DRC11: variants seen among roughly 807,000 people sequenced by gnomAD.
DRC11 encodes IQ and AAA domain-containing protein 1.
the DRC11 span, among the ~76,000 whole-genome samples, chr2:236,389,137 G>C: frequency 1.3e-5 from 2 of 152,240 alleles, no homozygotes; most frequent in African/African-American, 4.8e-5. Context: ...CCCGCCCCCA[G>C]AGGTGGAGCC....
At chr2:236,459,546 C>CGTATACGT in the DRC11 span, among the ~76,000 whole-genome samples, 1 of 118,154 alleles carries the variant, frequency 8.5e-6, no homozygotes, top group African/African-American at 3.5e-5. Context: ...TATACGTATA[C>CGTATACGT]GTATACATGT....
chr2:236,338,524 C>A, the DRC11 span: 1 of 756,654 alleles, frequency 1.3e-6, no homozygotes, highest in Non-Finnish European at 2.1e-6. Context: ...AAGGTTTGTC[C>A]TGGGATGGGT....
At chr2:236,505,002 A>G in the DRC11 span, among the ~76,000 whole-genome samples, 1 of 152,266 alleles carries the variant, frequency 6.6e-6, no homozygotes, top group Non-Finnish European at 1.5e-5. Flanking sequence ...AGACTAATAC[A>G]GATGGAACAA....
At chr2:236,465,484 C>T in the DRC11 span, 2 of 1,604,162 alleles carry the variant, frequency 1.2e-6, no homozygotes, top group African/African-American at 2.7e-5. The surrounding 1 kb of genome is among the most constrained non-coding windows in gnomAD (Gnocchi z 6.2). Flanking sequence ...CTGGATATGT[C>T]ACGATGTAGC....
At chr2:236,414,015 G>GTGC in the DRC11 span, among the ~76,000 whole-genome samples, 1 of 152,224 alleles carries the variant, frequency 6.6e-6, no homozygotes, top group Non-Finnish European at 1.5e-5. Context: ...TTCTGTTAAA[G>GTGC]TGCTTTCCAC....
the DRC11 span, among the ~76,000 whole-genome samples, chr2:236,374,990 C>T: frequency 1.9e-3 from 285 of 151,746 alleles, 1 homozygote; most frequent in African/African-American, 6.7e-3. Context: ...TGTGAGCCAC[C>T]GTGTCCAGCC....
the DRC11 span, among the ~76,000 whole-genome samples, chr2:236,503,943 G>C: frequency 6.6e-6 from 1 of 152,288 alleles, no homozygotes; most frequent in South Asian, 2.1e-4. This position sits in a 1 kb window ranked among gnomAD's most constrained non-coding sequence, Gnocchi z 4.9. Context: ...TTTTTCATAA[G>C]AGCATTGATG....
At chr2:236,507,385 G>A in the DRC11 span, 1 of 1,014,602 alleles carries the variant, frequency 9.9e-7, no homozygotes, top group Admixed American at 1.8e-5. Flanking sequence ...TGGGTGGGGG[G>A]TCTTCTGGAG....
the DRC11 span, among the ~76,000 whole-genome samples, chr2:236,458,812 G>A: frequency 3.9e-5 from 6 of 152,138 alleles, no homozygotes; most frequent in Non-Finnish European, 5.9e-5. Context: ...TTGGGAGGCC[G>A]AGGCAGATGG....
At chr2:236,469,272 C>G in the DRC11 span, among the ~76,000 whole-genome samples, 2 of 152,198 alleles carry the variant, frequency 1.3e-5, no homozygotes, top group Admixed American at 6.5e-5. This position sits in a 1 kb window ranked among gnomAD's most constrained non-coding sequence, Gnocchi z 5.8. Context: ...GTGGCGCGAT[C>G]TCAGCTCACT....
At chr2:236,385,380 C>T in the DRC11 span, among the ~76,000 whole-genome samples, 2 of 142,052 alleles carry the variant, frequency 1.4e-5, no homozygotes, top group African/African-American at 2.6e-5. Flanking sequence ...CCTTCACATC[C>T]CTTGTAAGTT....
chr2:236,496,692 T>C, the DRC11 span, among the ~76,000 whole-genome samples: 2 of 152,178 alleles, frequency 1.3e-5, no homozygotes, highest in Non-Finnish European at 2.9e-5. This position sits in a 1 kb window ranked among gnomAD's most constrained non-coding sequence, Gnocchi z 6.3. Context: ...CCCACTGCCA[T>C]GTAAGCCATA....
At chr2:236,452,605 T>C in the DRC11 span, among the ~76,000 whole-genome samples, 1 of 152,202 alleles carries the variant, frequency 6.6e-6, no homozygotes, top group Non-Finnish European at 1.5e-5. The surrounding 1 kb of genome is among the most constrained non-coding windows in gnomAD (Gnocchi z 4.7). Flanking sequence ...ATGGCCCTCC[T>C]TGGGAAACTG....
At chr2:236,501,839 G>A in the DRC11 span, among the ~76,000 whole-genome samples, 1 of 152,110 alleles carries the variant, frequency 6.6e-6, no homozygotes, top group East Asian at 1.9e-4. Flanking sequence ...TTTAGAACTC[G>A]GATCTGAAAC....
chr2:236,466,639 G>A, the DRC11 span, among the ~76,000 whole-genome samples: 13 of 152,072 alleles, frequency 8.5e-5, no homozygotes, highest in African/African-American at 3.1e-4. Flanking sequence ...AGATAAAGAA[G>A]GGGAGGTCCC....
chr2:236,441,368 CT>C, the DRC11 span, among the ~76,000 whole-genome samples: 1 of 151,310 alleles, frequency 6.6e-6, no homozygotes, highest in East Asian at 1.9e-4. Context: ...ACATATTGTA[CT>C]TTTTTTCCTC....
chr2:236,462,144 G>A, the DRC11 span, among the ~76,000 whole-genome samples: 3 of 152,258 alleles, frequency 2.0e-5, 1 homozygote, highest in African/African-American at 7.2e-5. The surrounding 1 kb of genome is among the most constrained non-coding windows in gnomAD (Gnocchi z 6.4). Flanking sequence ...ATGGTGTGGG[G>A]CTGATGGTAG....
the DRC11 span, among the ~76,000 whole-genome samples, chr2:236,377,535 C>T: frequency 6.6e-6 from 1 of 152,080 alleles, no homozygotes; most frequent in African/African-American, 2.4e-5. The surrounding 1 kb of genome is among the most constrained non-coding windows in gnomAD (Gnocchi z 4.9). Context: ...TGCAATGGAC[C>T]TATAATTATA....
At chr2:236,491,909 C>T in the DRC11 span, among the ~76,000 whole-genome samples, 1 of 152,162 alleles carries the variant, frequency 6.6e-6, no homozygotes, top group Non-Finnish European at 1.5e-5. Flanking sequence ...CCCAATGCAA[C>T]AGTGTTGGGA....
Sources: gnomAD v4.1 joint callset for allele counts (sites outside exome capture counted in the v4.1 genomes callset) on GRCh38, gnomAD v4.1.1 for gene constraint, Gnocchi (gnomAD v3.1) non-coding constraint, MANE v1.5 for transcripts, NCBI Gene and HGNC (gene_info 2026-07-23, HGNC 2026-07-21) for gene names.